The following TENM3 variants were observed in gnomAD, a reference collection of about 807,000 sequenced individuals.
TENM3 encodes the protein teneurin-3.
Under a neutral mutation model 255.1 loss-of-function variants are expected in TENM3, and 63 were observed. That is an observed-to-expected ratio of 0.25 (90% CI 0.20 to 0.30). The LOEUF is 0.30. Among genes scored for constraint, TENM3 ranks in the 10% least tolerant of loss-of-function variants. The probability of loss-of-function intolerance (pLI) is 1.00; values close to 1 mark genes in which losing one functional copy is unlikely to be tolerated. For missense variants in TENM3, 2,929 were observed against 3,461.1 expected, an observed-to-expected ratio of 0.85 and a Z score of 3.86; for synonymous variants, 1,306 against 1,322.3, an observed-to-expected ratio of 0.99 and a Z score of 0.27.
chr4:181,804,372 A>T, the TENM3 span, among the ~76,000 whole-genome samples: 1 of 152,248 alleles, frequency 6.6e-6, no homozygotes, highest in Non-Finnish European at 1.5e-5. Context: ...ATGTTTGCAG[A>T]TAAAATATAA....
the TENM3 span, among the ~76,000 whole-genome samples, chr4:181,641,720 T>TATTATAA: frequency 8.0e-6 from 1 of 124,484 alleles, no homozygotes; most frequent in Non-Finnish European, 1.6e-5. Context: ...ATATATTATA[T>TATTATAA]GTATAATAAA....
chr4:182,679,698 G>A lies in TENM3; in HGVS notation c.1359G>A (p.Arg453=), dbSNP rs749769106. 5.0e-6 allele frequency: 8 copies of A among 1,613,050 alleles called. No homozygotes were observed. The African/African-American group carries it at 8.0e-5, about 16-fold the overall frequency. Residue 453 remains arginine (R), a synonymous_variant, in exon 8 of 28, where the codon AGG becomes AGA. Coordinates refer to ENST00000511685, the MANE Select transcript of TENM3 (RefSeq NM_001080477.4). The part of the protein sequence containing the change: ...YDFVELLDGS[R]LIAREQRSLL... ...TCGTGGAGCTCCTGGATGGCAGCAG[G>A]CTGATTGCCAGAGAGCAGCGGAGCC... is the stretch of plus-strand genomic sequence containing the variant.
intron 1 of TENM3, among the ~76,000 whole-genome samples, chr4:182,145,737 C>A (rs1749918191): frequency 6.6e-6 from 1 of 152,196 alleles, no homozygotes; most frequent in South Asian, 2.1e-4. Flanking sequence ...AGGCTGAGAG[C>A]TGTCCTAGAC....
chr4:181,688,806 T>A, the TENM3 span, among the ~76,000 whole-genome samples: 1 of 152,202 alleles, frequency 6.6e-6, no homozygotes, highest in Non-Finnish European at 1.5e-5. Context: ...TTAAGCAAGA[T>A]GATACCAGAC....
chr4:181,517,831 T>G, the TENM3 span, among the ~76,000 whole-genome samples: 1 of 152,304 alleles, frequency 6.6e-6, no homozygotes, highest in Admixed American at 6.5e-5. Flanking sequence ...TTGGTTTGTT[T>G]TGGTTTGGAT....
intron 1 of TENM3, 51 bp from the exon 2 acceptor site, chr4:182,323,895 G>T (rs1763221263): frequency 1.3e-6 from 1 of 747,874 alleles, no homozygotes; most frequent in African/African-American, 1.7e-5. Flanking sequence ...AGAGTAGCCA[G>T]TTTTTAGGTG....
chr4:182,009,551 G>A, the TENM3 span, among the ~76,000 whole-genome samples: 1 of 152,174 alleles, frequency 6.6e-6, no homozygotes, highest in African/African-American at 2.4e-5. Flanking sequence ...ACAAGTCTTG[G>A]GACCAAGCTG....
At chr4:181,928,193 A>G in the TENM3 span, among the ~76,000 whole-genome samples, 2 of 152,146 alleles carry the variant, frequency 1.3e-5, no homozygotes, top group Non-Finnish European at 2.9e-5. Context: ...ATGAATTAAC[A>G]GAAGTAGGCT....
At chr4:182,421,184 C>G (rs1580481086) in intron 3 of TENM3, among the ~76,000 whole-genome samples, 1 of 152,084 alleles carries the variant, frequency 6.6e-6, no homozygotes, top group South Asian at 2.1e-4. Flanking sequence ...CTTCATTGTC[C>G]TCACCCCCTC....
At chr4:182,530,999 A>C (rs541326361) in intron 3 of TENM3, among the ~76,000 whole-genome samples, 1 of 152,282 alleles carries the variant, frequency 6.6e-6, no homozygotes, top group South Asian at 2.1e-4. Context: ...TCTGTTGCTC[A>C]AGGGAGAGTA....
At chr4:181,888,528 ATATATGTG>A in the TENM3 span, among the ~76,000 whole-genome samples, 4 of 81,208 alleles carry the variant, frequency 4.9e-5, no homozygotes, top group African/African-American at 1.3e-4. Context: ...ATATATATAC[ATATATGTG>A]TATATATATA....
chr4:181,460,642 C>A, the TENM3 span, among the ~76,000 whole-genome samples: 9 of 143,872 alleles, frequency 6.3e-5, no homozygotes, highest in Non-Finnish European at 1.5e-5. Context: ...TTCAGTATCC[C>A]ATTTTATCTG....
the TENM3 span, among the ~76,000 whole-genome samples, chr4:182,012,990 T>TCAAAA: frequency 6.0e-4 from 91 of 152,006 alleles, no homozygotes; most frequent in African/African-American, 2.0e-3. Flanking sequence ...CCTCAGCCTC[T>TCAAAA]CAAAACAAAA....
chr4:182,046,391 G>A, the TENM3 span, among the ~76,000 whole-genome samples: 4 of 151,930 alleles, frequency 2.6e-5, no homozygotes, highest in Non-Finnish European at 5.9e-5. Context: ...TAAGGTATCT[G>A]TAAACTAATG....
At chr4:182,781,798 G>A (rs1249425991) in intron 24 of TENM3, among the ~76,000 whole-genome samples, 6 of 148,598 alleles carry the variant, frequency 4.0e-5, no homozygotes, top group African/African-American at 1.2e-4. Flanking sequence ...TGTATGTGTC[G>A]AGGAATTTAT....
chr4:182,287,517 G>A (rs1760809827), intron 1 of TENM3, among the ~76,000 whole-genome samples: 1 of 152,182 alleles, frequency 6.6e-6, no homozygotes. Flanking sequence ...CCTATGAAAT[G>A]TTTGTCCTGA....
the TENM3 span, among the ~76,000 whole-genome samples, chr4:182,103,061 A>C: frequency 6.6e-6 from 1 of 152,250 alleles, no homozygotes; most frequent in East Asian, 1.9e-4. Flanking sequence ...AATTTACAAA[A>C]TAATGTTTTT....
chr4:182,650,890 AT>A (rs1419571611), intron 5 of TENM3, among the ~76,000 whole-genome samples: 15,225 of 32,886 alleles, frequency 0.46, 1,396 homozygotes, highest in African/African-American at 0.54. Flanking sequence ...ATAAAAAAAA[AT>A]ATATATATAT....
At chr4:182,000,469 G>C in the TENM3 span, among the ~76,000 whole-genome samples, 1 of 152,038 alleles carries the variant, frequency 6.6e-6, no homozygotes, top group Non-Finnish European at 1.5e-5. Context: ...TATTCGCCTA[G>C]ATGTGACTGC....
Sources: gnomAD v4.1 joint callset for allele counts (sites outside exome capture counted in the v4.1 genomes callset) on GRCh38, gnomAD v4.1.1 for gene constraint, MANE v1.5 for transcripts, NCBI Gene and HGNC (gene_info 2026-07-23, HGNC 2026-07-21) for gene names.